The following PGS1 variants were observed in gnomAD, a reference collection of about 807,000 sequenced individuals.
PGS1 encodes CDP-diacylglycerol--glycerol-3-phosphate 3-phosphatidyltransferase, mitochondrial.
A neutral mutation model predicts 58.3 loss-of-function variants in PGS1; 44 were observed. The observed-to-expected ratio is 0.75, with a 90% confidence interval of 0.59 to 0.97. PGS1 has a LOEUF of 0.97. PGS1 is among the 50% of genes least tolerant of loss of function. PGS1 has a pLI of 0.00. For missense variants in PGS1, 684 were observed against 731.1 expected, an observed-to-expected ratio of 0.94 and a Z score of 0.74; for synonymous variants, 330 against 311.0, an observed-to-expected ratio of 1.06 and a Z score of -0.64.
intron 8 of PGS1, 31 bp downstream of exon 8, chr17:78,415,058 C>T (rs758696710): frequency 2.1e-5 from 33 of 1,575,848 alleles, no homozygotes; most frequent in South Asian, 4.5e-5. Context: ...TTTCCCAGGG[C>T]GCTGAGGGTG....
At chr17:78,396,692 T>C (rs1048612217) in intron 3 of PGS1, among the ~76,000 whole-genome samples, 5 of 152,256 alleles carry the variant, frequency 3.3e-5, no homozygotes, top group African/African-American at 1.2e-4. Flanking sequence ...TGGCCGACTG[T>C]GGCCTGCCAC....
intron 5 of PGS1, among the ~76,000 whole-genome samples, 190 bp downstream of exon 5, chr17:78,399,727 T>C (rs1598309707): frequency 6.6e-6 from 1 of 152,232 alleles, no homozygotes; most frequent in South Asian, 2.1e-4. Flanking sequence ...GGGGGCTGAC[T>C]GGAAGCCACT....
chr17:78,389,085 C>T (rs1181252635), intron 1 of PGS1, among the ~76,000 whole-genome samples: 1 of 96,468 alleles, frequency 1.0e-5, no homozygotes, highest in East Asian at 2.9e-4. Flanking sequence ...TGCGGGGGGA[C>T]AGAGTCTTCC....
chr17:78,378,665 C>A lies in PGS1; in HGVS notation c.-1C>A. 2.0e-6 allele frequency: 3 copies of A among 1,534,292 alleles called. No individual in the cohort carries two copies. The highest frequency in any genetic ancestry group is 2.6e-6 in the Non-Finnish European group (3 of 1,148,526). On this transcript the variant is annotated 5_prime_UTR_variant, in exon 1 of 10. Coordinates refer to ENST00000262764, the MANE Select transcript of PGS1 (RefSeq NM_024419.5). ...AGCGGAAGCGGAAGCGGCGAGTCTC[C>A]ATGGCGGTGGCGGCGGCAGCTGCGG...
At chr17:78,396,708 A>G (rs955956326) in intron 3 of PGS1, among the ~76,000 whole-genome samples, 4 of 152,246 alleles carry the variant, frequency 2.6e-5, no homozygotes, top group Non-Finnish European at 5.9e-5. Flanking sequence ...GCCACCTGTT[A>G]TGGTGTAGAC....
Position 78,392,679 on chromosome 17 carries a change from A to G in PGS1, c.333+14A>G. The G allele has an allele frequency of 6.2e-7, 1 of 1,610,698 alleles. No individual in the cohort carries two copies. The highest frequency in any genetic ancestry group is 8.5e-7 in the Non-Finnish European group (1 of 1,177,782). On this transcript the variant is annotated intron_variant, in intron 2 of 9. Transcript: ENST00000262764. ...GAGCTCATGAAGGTAAGTGGTATCT[A>G]AAGGAAAGAAGTTTGAGTTAGAGCT...
intron 2 of PGS1, among the ~76,000 whole-genome samples, chr17:78,393,397 C>T (rs1271506104): frequency 6.6e-6 from 1 of 152,188 alleles, no homozygotes; most frequent in African/African-American, 2.4e-5. Context: ...ATTCCTTTTC[C>T]TCCATGGTGA....
At chr17:78,405,405 A>G (rs542694914) in intron 7 of PGS1, among the ~76,000 whole-genome samples, 4 of 152,090 alleles carry the variant, frequency 2.6e-5, no homozygotes, top group East Asian at 1.9e-4. Flanking sequence ...TTTTTTCCCT[A>G]TATGCCAATG....
At chr17:78,394,488 C>G (rs1351393830) in intron 2 of PGS1, among the ~76,000 whole-genome samples, 4 of 152,142 alleles carry the variant, frequency 2.6e-5, no homozygotes, top group African/African-American at 9.7e-5. Flanking sequence ...AATGATGCTG[C>G]AACTGTTGGC....
chr17:78,420,345 G>T (rs527576056), intron 9 of PGS1: 50 of 514,304 alleles, frequency 9.7e-5, no homozygotes, highest in South Asian at 8.2e-4. Flanking sequence ...CTGTCTTGAC[G>T]CCTAGAGGTC....
At chr17:78,402,698 C>T (rs868248162) in intron 6 of PGS1, among the ~76,000 whole-genome samples, 1 of 152,170 alleles carries the variant, frequency 6.6e-6, no homozygotes, top group African/African-American at 2.4e-5. Context: ...TCTGCCCGCT[C>T]CTGCCTCCGT....
chr17:78,383,562 C>G (rs1269983197), intron 1 of PGS1, among the ~76,000 whole-genome samples: 1 of 152,164 alleles, frequency 6.6e-6, no homozygotes, highest in Non-Finnish European at 1.5e-5. Flanking sequence ...GTCACTTGTT[C>G]AACGTGTAAG....
chr17:78,422,245 G>C (rs1442854322), intron 9 of PGS1, among the ~76,000 whole-genome samples: 2 of 152,090 alleles, frequency 1.3e-5, no homozygotes, highest in Non-Finnish European at 1.5e-5. Context: ...CAGCCAGGCT[G>C]GGGGAGGCTG....
intron 7 of PGS1, among the ~76,000 whole-genome samples, chr17:78,413,934 C>T (rs2084947781): frequency 6.6e-6 from 1 of 152,262 alleles, no homozygotes; most frequent in Admixed American, 6.5e-5. Flanking sequence ...ACAGTGGCAC[C>T]CCGTGCCCTG....
rs1333989718 is a variant in PGS1 at position 78,392,587 on chromosome 17, C to T, written c.255C>T (p.Asn85=). Residue 85 remains asparagine (N), a synonymous_variant, in exon 2 of 10, where the codon AAC becomes AAT. Coordinates refer to ENST00000262764, the MANE Select transcript of PGS1 (RefSeq NM_024419.5). ...EGVHRFQWIR[N]LVPEFGVSSS... is the part of the protein sequence containing the mutation. ...TGCACCGGTTCCAGTGGATCAGAAACCTGGTTCCAGAATTTGGAGTCTCCA... is the reference window on the plus strand; with the variant it reads ...TGCACCGGTTCCAGTGGATCAGAAATCTGGTTCCAGAATTTGGAGTCTCCA... The T allele has an allele frequency of 1.9e-6, 3 of 1,614,202 alleles. No homozygotes were observed. The highest frequency in any genetic ancestry group is 2.5e-6 in the Non-Finnish European group (3 of 1,180,020).
At chr17:78,422,809 T>C (rs1019839393) in intron 9 of PGS1, among the ~76,000 whole-genome samples, 13 of 152,162 alleles carry the variant, frequency 8.5e-5, no homozygotes. Context: ...CTGAGAAATG[T>C]TGAGGGCCGG....
chr17:78,380,703 C>T (rs1194290312), intron 1 of PGS1, among the ~76,000 whole-genome samples: 2 of 152,164 alleles, frequency 1.3e-5, no homozygotes, highest in Non-Finnish European at 2.9e-5. Context: ...TTTGTCATTT[C>T]CCTCTATATG....
At chr17:78,397,510 T>G (rs1353625616) in intron 3 of PGS1, among the ~76,000 whole-genome samples, 2 of 151,392 alleles carry the variant, frequency 1.3e-5, no homozygotes, top group Non-Finnish European at 3.0e-5. Flanking sequence ...GATCTCGGCT[T>G]GCCGCAACCT....
chr17:78,409,077 G>A (rs775150693), intron 7 of PGS1, among the ~76,000 whole-genome samples: 21 of 152,328 alleles, frequency 1.4e-4, no homozygotes, highest in Admixed American at 1.2e-3. Context: ...AGTATGAACC[G>A]TGTCAAGCCA....
Sources: gnomAD v4.1 joint callset for allele counts (sites outside exome capture counted in the v4.1 genomes callset) on GRCh38, gnomAD v4.1.1 for gene constraint, MANE v1.5 for transcripts, NCBI Gene and HGNC (gene_info 2026-07-23, HGNC 2026-07-21) for gene names.